The following EBF2 variants were observed in gnomAD, a reference collection of about 807,000 sequenced individuals.
The protein encoded by EBF2 is transcription factor COE2.
In EBF2, 21 loss-of-function variants were observed where a neutral mutation model predicts 72.8. The observed-to-expected ratio is 0.29, with a 90% CI of 0.20 to 0.42. The LOEUF is 0.42. Among genes scored for constraint, EBF2 ranks in the 10% least tolerant of loss-of-function variants. The pLI is 1.00. For synonymous variants in EBF2, 299 were observed against 274.2 expected (o/e 1.09, Z -0.89); for missense variants, 637 against 731.2 (o/e 0.87, Z 1.49).
At chr8:25,943,794 A>C (rs983352371) in intron 6 of EBF2, among the ~76,000 whole-genome samples, 1 of 152,238 alleles carries the variant, frequency 6.6e-6, no homozygotes, top group African/African-American at 2.4e-5. Flanking sequence ...AAACACTATC[A>C]AAGGGGCTTA....
intron 6 of EBF2, among the ~76,000 whole-genome samples, chr8:26,019,751 GTC>G (rs1315628393): frequency 2.0e-5 from 3 of 152,168 alleles, no homozygotes; most frequent in Non-Finnish European, 4.4e-5. Flanking sequence ...CAACTTGTCT[GTC>G]TCTGTTTCAG....
chr8:26,024,949 C>T (rs758318036), intron 6 of EBF2, among the ~76,000 whole-genome samples: 13 of 151,890 alleles, frequency 8.6e-5, no homozygotes, highest in African/African-American at 1.9e-4. Context: ...AAAGCAAGCA[C>T]GAAATAGGTA....
chr8:25,896,453 A>G (rs1426130009), intron 7 of EBF2, among the ~76,000 whole-genome samples: 1 of 152,206 alleles, frequency 6.6e-6, no homozygotes, highest in Admixed American at 6.5e-5. Context: ...GCTAAATAAA[A>G]TGGTCTCGAA....
At chr8:25,914,117 G>A (rs1037885083) in intron 6 of EBF2, among the ~76,000 whole-genome samples, 1 of 152,180 alleles carries the variant, frequency 6.6e-6, no homozygotes, top group Non-Finnish European at 1.5e-5. Flanking sequence ...ACCAGACTGA[G>A]AAGCCTACTG....
intron 6 of EBF2, among the ~76,000 whole-genome samples, chr8:25,923,580 GT>G (rs202213344): frequency 1.3e-5 from 2 of 151,864 alleles, no homozygotes; most frequent in Admixed American, 6.6e-5. Flanking sequence ...TTCAAGTTTT[GT>G]TTTTTTTGTT....
intron 6 of EBF2, among the ~76,000 whole-genome samples, chr8:25,934,582 G>A (rs903072309): frequency 1.3e-5 from 2 of 152,144 alleles, no homozygotes; most frequent in African/African-American, 4.8e-5. Flanking sequence ...CACAAGTCGA[G>A]TTTACTGCTA....
intron 10 of EBF2, among the ~76,000 whole-genome samples, chr8:25,880,084 C>T (rs10104310): frequency 0.54 from 82,330 of 152,048 alleles, 24,893 homozygotes; most frequent in African/African-American, 0.81. Flanking sequence ...ACGTTCTCCT[C>T]TTTTTCCACA....
intron 6 of EBF2, among the ~76,000 whole-genome samples, chr8:25,918,421 G>A (rs1407319363): frequency 1.3e-5 from 2 of 151,824 alleles, no homozygotes; most frequent in Non-Finnish European, 2.9e-5. Flanking sequence ...AAACTATGAA[G>A]CCATGCATAA....
chr8:25,930,664 G>T (rs529220266), intron 6 of EBF2, among the ~76,000 whole-genome samples: 1 of 152,166 alleles, frequency 6.6e-6, no homozygotes, highest in East Asian at 1.9e-4. Context: ...GTTTATAAAT[G>T]TACTTGCAAA....
intron 6 of EBF2, among the ~76,000 whole-genome samples, chr8:25,978,906 G>A (rs1804312109): frequency 6.6e-6 from 1 of 152,206 alleles, no homozygotes; most frequent in Admixed American, 6.5e-5. Flanking sequence ...CTGACGCTGG[G>A]CGGGGGGCGG....
At chr8:25,897,667 G>A (rs929503567) in intron 7 of EBF2, among the ~76,000 whole-genome samples, 2 of 152,180 alleles carry the variant, frequency 1.3e-5, no homozygotes, top group Admixed American at 1.3e-4. Context: ...GCCTCCAGCT[G>A]TGTCCATGGT....
At chr8:26,039,353 G>A (rs1482781056) in intron 5 of EBF2, among the ~76,000 whole-genome samples, 1 of 152,156 alleles carries the variant, frequency 6.6e-6, no homozygotes, top group South Asian at 2.1e-4. Flanking sequence ...CTTTCACGAC[G>A]TGAATATCAG....
intron 6 of EBF2, among the ~76,000 whole-genome samples, chr8:25,981,498 T>G (rs529429956): frequency 6.6e-6 from 1 of 152,204 alleles, no homozygotes; most frequent in African/African-American, 2.4e-5. Flanking sequence ...TGCACCTGCA[T>G]TTCCCAGTGT....
chr8:25,980,787 CAAAAAAAAA>C (rs34271943), intron 6 of EBF2, among the ~76,000 whole-genome samples: 8 of 67,138 alleles, frequency 1.2e-4, no homozygotes, highest in East Asian at 4.9e-4. Flanking sequence ...GAGGCCACCA[CAAAAAAAAA>C]AAAAAAAAAA....
Position 25,934,236 on chromosome 8 carries a change from C to G in EBF2, c.552-25681G>C, listed in dbSNP as rs1380940578. On this transcript the variant is annotated intron_variant, in intron 6 of 15. Transcript: ENST00000520164. ...GACTTCATGTGCATACACACACACACACACACACACACACACACACACACA... is the reference window on the plus strand; with the variant it reads ...GACTTCATGTGCATACACACACACAGACACACACACACACACACACACACA... Among the ~76,000 whole-genome samples, 21 of 117,402 alleles carry G rather than the reference C, an allele frequency of 1.8e-4. 1 individual carries two copies. Among genetic ancestry groups the G allele is most frequent in the Admixed American group, 1.7e-3 (21 of 12,614 alleles). 77.0% of individuals were successfully genotyped at this position (117,402 alleles called of 152,430 possible). A position where few individuals can be genotyped will look rare whatever the true frequency, so the allele number is the denominator to read the frequency against.
chr8:26,032,749 G>A (rs1179310428), intron 6 of EBF2: 2 of 207,624 alleles, frequency 9.6e-6, no homozygotes, highest in Non-Finnish European at 1.9e-5. Flanking sequence ...CTTAACTTGG[G>A]GCACATTGCT....
rs568055353 is a variant in EBF2 at position 25,935,268 on chromosome 8, G to A, written c.552-26713C>T. 6.5e-4 allele frequency among the ~76,000 whole-genome samples: 99 copies of A among 151,876 alleles called. 1 individual carries two copies. The highest frequency in any genetic ancestry group is 2.1e-3 in the African/African-American group (89 of 41,428). On this transcript the variant is annotated intron_variant, in intron 6 of 15. Transcript: ENST00000520164. ...AGGGAGGTGGGATTGGAAAGGGGGGGAAAAGCAAGTCACTTTCAATCAAGT... is the reference window on the plus strand; with the variant it reads ...AGGGAGGTGGGATTGGAAAGGGGGGAAAAAGCAAGTCACTTTCAATCAAGT...
intron 6 of EBF2, among the ~76,000 whole-genome samples, chr8:25,984,779 A>T (rs1804421041): frequency 6.6e-6 from 1 of 152,094 alleles, no homozygotes; most frequent in Non-Finnish European, 1.5e-5. Context: ...ACATTTTGGG[A>T]ACAGCCCAAG....
At chr8:25,983,169 C>T (rs1355394809) in intron 6 of EBF2, among the ~76,000 whole-genome samples, 2 of 151,836 alleles carry the variant, frequency 1.3e-5, no homozygotes, top group Admixed American at 1.3e-4. Flanking sequence ...TAGAAATGGT[C>T]GCATACATTA....
Sources: gnomAD v4.1 joint callset for allele counts (sites outside exome capture counted in the v4.1 genomes callset) on GRCh38, gnomAD v4.1.1 for gene constraint, MANE v1.5 for transcripts, NCBI Gene and HGNC (gene_info 2026-07-23, HGNC 2026-07-21) for gene names.